STAU2: variants seen among roughly 807,000 people sequenced by gnomAD.
The protein encoded by STAU2 is staufen double-stranded RNA binding protein 2.
Under a neutral mutation model 65.9 loss-of-function variants are expected in STAU2, and 20 were observed. The observed-to-expected ratio is 0.30, with a 90% CI of 0.21 to 0.44. STAU2 has a LOEUF of 0.44. Among genes scored for constraint, STAU2 ranks in the 20% least tolerant of loss-of-function variants. The pLI, the probability that STAU2 is intolerant of heterozygous loss-of-function variation, is 1.00. For missense variants in STAU2, 558 were observed against 683.9 expected, an observed-to-expected ratio of 0.82 and a Z score of 2.05; for synonymous variants, 232 against 233.9, an observed-to-expected ratio of 0.99 and a Z score of 0.07.
At chr8:73,551,871 C>T (rs1807356141) in intron 13 of STAU2, 141 bp downstream of exon 13, 2 of 1,328,598 alleles carry the variant, frequency 1.5e-6, no homozygotes, top group African/African-American at 1.5e-5. Context: ...TTTTGTCTGT[C>T]CTTTGTGTTC....
At chr8:73,643,015 C>T (rs562615323) in intron 6 of STAU2, among the ~76,000 whole-genome samples, 1 of 152,272 alleles carries the variant, frequency 6.6e-6, no homozygotes, top group East Asian at 1.9e-4. Context: ...TCATCTAGAT[C>T]TCTCCTGAGT....
At chr8:73,470,492 A>T (rs890790090) in intron 13 of STAU2, among the ~76,000 whole-genome samples, 10 of 152,186 alleles carry the variant, frequency 6.6e-5, no homozygotes, top group Non-Finnish European at 7.3e-5. Flanking sequence ...GAATCTAATT[A>T]AATAGTAAAT....
At chr8:73,736,613 T>C (rs1230237742) in intron 3 of STAU2, among the ~76,000 whole-genome samples, 2 of 152,072 alleles carry the variant, frequency 1.3e-5, no homozygotes, top group Non-Finnish European at 2.9e-5. Flanking sequence ...CCTTACCCAA[T>C]CTAGGAACTG....
intron 3 of STAU2, among the ~76,000 whole-genome samples, chr8:73,727,154 C>T (rs111567879): frequency 9.9e-5 from 15 of 152,160 alleles, no homozygotes; most frequent in African/African-American, 2.9e-4. Context: ...CCCTTGAACC[C>T]GGGAGGCAGA....
chr8:73,660,663 T>A (rs1816766156), intron 6 of STAU2, among the ~76,000 whole-genome samples: 1 of 152,222 alleles, frequency 6.6e-6, no homozygotes, highest in Non-Finnish European at 1.5e-5. Flanking sequence ...GAGGTATGTG[T>A]ATAAAATGCT....
chr8:73,532,613 G>A (rs1350109085), intron 13 of STAU2, among the ~76,000 whole-genome samples: 1 of 152,136 alleles, frequency 6.6e-6, no homozygotes, highest in Non-Finnish European at 1.5e-5. Context: ...CAGTGACAGA[G>A]CGAGACCCTG....
intron 3 of STAU2, chr8:73,733,038 CTTTTT>C (rs778122158): frequency 7.1e-6 from 1 of 140,994 alleles, no homozygotes; most frequent in Non-Finnish European, 1.6e-5. Context: ...GTAATAAAAA[CTTTTT>C]TTTTTTTTTT....
chr8:73,711,225 C>A (rs1356077855), intron 3 of STAU2, among the ~76,000 whole-genome samples: 1 of 150,394 alleles, frequency 6.6e-6, no homozygotes, highest in Non-Finnish European at 1.5e-5. Context: ...AGAAAACCTG[C>A]ATTTTACCTA....
chr8:73,654,656 A>AAAAAAAAAAAAAAAAAAAAAAAAAAAAAC (rs1563484753), intron 6 of STAU2, among the ~76,000 whole-genome samples: 1 of 141,550 alleles, frequency 7.1e-6, no homozygotes, highest in Non-Finnish European at 1.5e-5. Flanking sequence ...AAAAAAAAAA[A>AAAAAAAAAAAAAAAAAAAAAAAAAAAAAC]AAAAAGAACT....
chr8:73,516,388 T>C (rs528448248), intron 13 of STAU2, among the ~76,000 whole-genome samples: 6 of 152,170 alleles, frequency 3.9e-5, no homozygotes, highest in Admixed American at 1.3e-4. Context: ...CATATTAAAT[T>C]ATGTGAAATT....
At chr8:73,632,694 A>T (rs1814190508) in intron 6 of STAU2, among the ~76,000 whole-genome samples, 1 of 152,200 alleles carries the variant, frequency 6.6e-6, no homozygotes. Flanking sequence ...AAATCACCCC[A>T]GTTATGCATA....
At chr8:73,671,789 G>A (rs923004122) in intron 6 of STAU2, among the ~76,000 whole-genome samples, 4 of 152,162 alleles carry the variant, frequency 2.6e-5, no homozygotes, top group East Asian at 1.9e-4. Context: ...TTGGGAGGCC[G>A]AGGCGGACAG....
chr8:73,739,686 G>T, intron 2 of STAU2, 70 bp downstream of exon 2: 1 of 1,233,464 alleles, frequency 8.1e-7, no homozygotes, highest in Non-Finnish European at 1.0e-6. Flanking sequence ...ATGAGAACGG[G>T]ATGCTGTATA....
At chr8:73,462,519 C>T (rs1819420152) in intron 13 of STAU2, among the ~76,000 whole-genome samples, 1 of 152,064 alleles carries the variant, frequency 6.6e-6, no homozygotes, top group South Asian at 2.1e-4. Context: ...CCTCAGCCCT[C>T]CAAGTAGCTG....
rs190468687 is a variant in STAU2, at chr8:73,688,320, G to A, written c.274+334C>T. Among the ~76,000 whole-genome samples the A allele has an allele frequency of 7.9e-5, 12 of 151,470 alleles. No individual in the cohort carries two copies. The East Asian group carries it at 2.2e-3, about 27-fold the overall frequency. On this transcript the variant is annotated intron_variant, in intron 5 of 14. Coordinates refer to ENST00000524300, the MANE Select transcript of STAU2 (RefSeq NM_001164380.2). ...GCCTCCTGGGTAGCTGGGATTATAG[G>A]CACCTGGCTAATTTTTTATATTTTT...
chr8:73,483,355 T>C (rs187721553), intron 13 of STAU2, among the ~76,000 whole-genome samples: 14 of 152,278 alleles, frequency 9.2e-5, no homozygotes, highest in Admixed American at 7.2e-4. Flanking sequence ...TGGTTTGTTA[T>C]AATTTTAAAT....
At chr8:73,524,696 T>C (rs114993675) in intron 13 of STAU2, among the ~76,000 whole-genome samples, 95 of 152,324 alleles carry the variant, frequency 6.2e-4, no homozygotes, top group African/African-American at 1.7e-3. Flanking sequence ...ATTTCACATA[T>C]ACTTTTTTTC....
chr8:73,622,281 C>T (rs1269230318), intron 6 of STAU2, among the ~76,000 whole-genome samples: 1 of 110,398 alleles, frequency 9.1e-6, no homozygotes, highest in Admixed American at 8.4e-5. Context: ...CGCCCGCCAC[C>T]TCGCCCGGCT....
intron 11 of STAU2, among the ~76,000 whole-genome samples, chr8:73,588,179 G>A (rs1022471777): frequency 6.6e-6 from 1 of 152,148 alleles, no homozygotes; most frequent in Non-Finnish European, 1.5e-5. Flanking sequence ...ACCCTTTAGA[G>A]ACCTGAGATT....
Sources: allele counts gnomAD v4.1 joint callset (sites outside exome capture counted in the v4.1 genomes callset), GRCh38; gene constraint gnomAD v4.1.1; transcripts MANE v1.5; gene names NCBI Gene and HGNC (gene_info 2026-07-23, HGNC 2026-07-21).